Variants in MTMR8 observed in about 807,000 individuals in gnomAD.
MTMR8 encodes phosphatidylinositol-3,5-bisphosphate 3-phosphatase MTMR8.
MTMR8 carries 65 observed loss-of-function variants against 39.3 expected under a neutral mutation model. The ratio of observed to expected loss-of-function variants is 1.65; its 90% CI spans 1.35 to 2.03. The LOEUF is 2.03. Ranked by LOEUF, MTMR8 falls within the 30% of genes most tolerant of loss-of-function variation. The pLI is 0.00. For synonymous variants in MTMR8, 245 were observed against 185.2 expected (o/e 1.32, Z -2.62); for missense variants, 777 against 538.9 (o/e 1.44, Z -4.37).
intron 12 of MTMR8, among the ~76,000 whole-genome samples, chrX:64,275,157 T>C: frequency 9.0e-6 from 1 of 111,341 alleles, no homozygotes; most frequent in Non-Finnish European, 1.9e-5. Context: ...CATCACATTG[T>C]ACCCCTGAAA....
At chrX:64,291,553 C>T (rs958694761) in intron 12 of MTMR8, among the ~76,000 whole-genome samples, 3 of 111,028 alleles carry the variant, frequency 2.7e-5, no homozygotes, top group Non-Finnish European at 5.7e-5. Context: ...TTGTTGTGTG[C>T]TACTGTGGTC....
At chrX:64,391,457 G>C (rs747206834) in intron 1 of MTMR8, among the ~76,000 whole-genome samples, 1 of 111,941 alleles carries the variant, frequency 8.9e-6, no homozygotes, top group African/African-American at 3.2e-5. Flanking sequence ...TGCCTGTCAG[G>C]CTGCTCCCAT....
intron 12 of MTMR8, among the ~76,000 whole-genome samples, chrX:64,281,641 G>A (rs1178394486): frequency 9.0e-6 from 1 of 111,597 alleles, no homozygotes; most frequent in Non-Finnish European, 1.9e-5. Flanking sequence ...ATAGGCATGG[G>A]CAAAGATTTT....
rs1357264954 is a variant in MTMR8, at chrX:64,268,642, C to T, written c.2010G>A (p.Leu670=). The part of the protein sequence containing the change: ...ISEATGISGN[L]GISEARGFSG... ...AGAAACCCCTGGCCTCAGAAATACC[C>T]AAGTTTCCAGAGATGCCAGTGGCCT... Residue 670 remains leucine, a synonymous_variant, in exon 14 of 14, where the codon TTG becomes TTA. Transcript: ENST00000374852. 1 of 1,211,720 alleles carries T rather than the reference C, an allele frequency of 8.3e-7. No homozygotes were observed. Among genetic ancestry groups the T allele is most frequent in the Non-Finnish European group, 1.1e-6 (1 of 895,513 alleles).
intron 1 of MTMR8, among the ~76,000 whole-genome samples, chrX:64,364,570 C>T (rs1358308750): frequency 8.9e-6 from 1 of 111,741 alleles, no homozygotes; most frequent in Non-Finnish European, 1.9e-5. Flanking sequence ...GCATCATCAT[C>T]AACAAAAAGG....
chrX:64,388,351 C>T (rs905495469), intron 1 of MTMR8, among the ~76,000 whole-genome samples: 2 of 111,803 alleles, frequency 1.8e-5, no homozygotes, highest in African/African-American at 6.5e-5. Context: ...AAACGGCAGG[C>T]TTTTATGACA....
At chrX:64,336,157 C>CA in intron 9 of MTMR8, 29 bp from the exon 10 acceptor site, 1 of 1,092,278 alleles carries the variant, frequency 9.2e-7, no homozygotes, top group Non-Finnish European at 1.2e-6. Flanking sequence ...AAAGTGTTTG[C>CA]ATTAGGAAAA....
intron 12 of MTMR8, among the ~76,000 whole-genome samples, chrX:64,301,116 G>A (rs1397756449): frequency 2.8e-5 from 3 of 107,625 alleles, no homozygotes; most frequent in African/African-American, 1.0e-4. Context: ...GAATCTGAAC[G>A]TTGGCCTGCC....
At chrX:64,350,575 G>A (rs992157554) in intron 4 of MTMR8, among the ~76,000 whole-genome samples, 2 of 111,189 alleles carry the variant, frequency 1.8e-5, no homozygotes, top group African/African-American at 3.3e-5. Context: ...CTATTTCTGA[G>A]GAATAGATGA....
intron 3 of MTMR8, 148 bp from the exon 4 acceptor site, chrX:64,355,082 CT>C: frequency 2.3e-6 from 1 of 425,635 alleles, no homozygotes; most frequent in Non-Finnish European, 3.7e-6. Flanking sequence ...GCAAGTTTGC[CT>C]TTATGTAAGG....
chrX:64,280,068 C>T (rs971263345), intron 12 of MTMR8, among the ~76,000 whole-genome samples: 1 of 111,884 alleles, frequency 8.9e-6, no homozygotes, highest in East Asian at 2.8e-4. Flanking sequence ...AGCCTACCAA[C>T]TAAAAAAAGC....
chrX:64,278,569 G>A lies in MTMR8; in HGVS notation c.1482-7496C>T, dbSNP rs757610357. Among the ~76,000 whole-genome samples, 14 of 90,319 alleles carry A rather than the reference G, an allele frequency of 1.6e-4. No homozygotes were observed. The South Asian group carries it at 9.2e-3, about 59-fold the overall frequency. 78.4% of individuals were successfully genotyped at this position (90,319 alleles called of 115,157 possible). ...GCTCACTGCAACCTCCGCCTCCCAG[G>A]TTCAAGTGATTACCCTGCCTCAGCC... is the stretch of plus-strand genomic sequence containing the variant. On this transcript the variant is annotated intron_variant, in intron 12 of 13. Coordinates refer to ENST00000374852, the MANE Select transcript of MTMR8 (RefSeq NM_017677.4).
chrX:64,274,026 C>G lies in MTMR8; in HGVS notation c.1482-2953G>C, dbSNP rs369198713. Among the ~76,000 whole-genome samples, 10 of 111,881 alleles carry G rather than the reference C, an allele frequency of 8.9e-5. No homozygotes were observed. In the South Asian group the frequency reaches 3.4e-3, roughly 38 times the overall value. On this transcript the variant is annotated intron_variant, in intron 12 of 13. Transcript: ENST00000374852. ...AGTAATAGATTACTTCGATACTCTA[C>G]TTTCAATTATGGATAGAACAATCAG... is the stretch of plus-strand genomic sequence containing the variant.
rs775936221 is a variant in MTMR8, at chrX:64,359,387, T to C, written c.147+18A>G. On this transcript the variant is annotated intron_variant, in intron 2 of 13. Transcript: ENST00000374852. ...ACAACTCTTTAAGACTCTTTGATACTTCTTCTCATGAACATACCCATGTTT... is the reference window on the plus strand; with the variant it reads ...ACAACTCTTTAAGACTCTTTGATACCTCTTCTCATGAACATACCCATGTTT... 4.2e-6 allele frequency: 5 copies of C among 1,194,085 alleles called. No homozygotes were observed. The highest frequency in any genetic ancestry group is 1.8e-5 in the African/African-American group (1 of 56,762).
At chrX:64,374,627 AG>A (rs1351866336) in intron 1 of MTMR8, among the ~76,000 whole-genome samples, 29 of 111,981 alleles carry the variant, frequency 2.6e-4, no homozygotes, top group Admixed American at 3.8e-4. Context: ...GAAGTGAAAA[AG>A]GTTGCTGAAC....
intron 11 of MTMR8, among the ~76,000 whole-genome samples, 162 bp from the exon 12 acceptor site, chrX:64,329,062 A>G (rs992585722): frequency 6.2e-5 from 7 of 112,058 alleles, no homozygotes; most frequent in Non-Finnish European, 1.3e-4. Context: ...AAAAGTGTTG[A>G]TGGAGTAACA....
intron 1 of MTMR8, among the ~76,000 whole-genome samples, chrX:64,361,883 T>G (rs761795089): frequency 9.0e-6 from 1 of 110,640 alleles, no homozygotes; most frequent in Non-Finnish European, 1.9e-5. Flanking sequence ...AGTTCTATAT[T>G]TGGCACCACT....
chrX:64,363,759 G>T (rs1443576924), intron 1 of MTMR8, among the ~76,000 whole-genome samples: 2 of 111,489 alleles, frequency 1.8e-5, no homozygotes, highest in Non-Finnish European at 3.8e-5. Flanking sequence ...TGCAGGCCAT[G>T]GAGGGCAAGC....
chrX:64,366,957 C>T (rs753266393), intron 1 of MTMR8, among the ~76,000 whole-genome samples: 22 of 111,448 alleles, frequency 2.0e-4, no homozygotes, highest in African/African-American at 6.8e-4. Flanking sequence ...AAACTAACTA[C>T]CATCAGAGAA....
Sources: gnomAD v4.1 joint callset for allele counts (sites outside exome capture counted in the v4.1 genomes callset) on GRCh38, gnomAD v4.1.1 for gene constraint, MANE v1.5 for transcripts, NCBI Gene and HGNC (gene_info 2026-07-23, HGNC 2026-07-21) for gene names.